Variants in FRMD6 observed in about 807,000 individuals in gnomAD.
FRMD6 encodes the protein FERM domain-containing protein 6.
In FRMD6, 37 loss-of-function variants were observed where a neutral mutation model predicts 73.2. The ratio of observed to expected loss-of-function variants is 0.51; its 90% CI spans 0.39 to 0.66. FRMD6 has a LOEUF of 0.66. FRMD6 is among the 30% of genes least tolerant of loss of function. The pLI is 0.00. For missense variants in FRMD6, 714 were observed against 780.5 expected, an observed-to-expected ratio of 0.91 and a Z score of 1.02; for synonymous variants, 273 against 282.2, an observed-to-expected ratio of 0.97 and a Z score of 0.33.
At chr14:51,518,150 A>T (rs1377762633) in intron 1 of FRMD6, among the ~76,000 whole-genome samples, 2 of 152,338 alleles carry the variant, frequency 1.3e-5, no homozygotes, top group Middle Eastern at 3.4e-3. Context: ...TCCCCGTGGA[A>T]TTGGTGAAGC....
intron 12 of FRMD6, among the ~76,000 whole-genome samples, chr14:51,723,041 C>T (rs1251970231): frequency 6.6e-6 from 1 of 152,240 alleles, no homozygotes; most frequent in East Asian, 1.9e-4. Context: ...CAACAGAACC[C>T]TGGCTTCCCA....
At chr14:51,493,052 A>C (rs999265329) in intron 1 of FRMD6, among the ~76,000 whole-genome samples, 2 of 152,196 alleles carry the variant, frequency 1.3e-5, no homozygotes, top group Non-Finnish European at 2.9e-5. Flanking sequence ...ACTGAGACTC[A>C]GAAGATGCTG....
chr14:51,631,888 C>A (rs1409107060), intron 2 of FRMD6, among the ~76,000 whole-genome samples: 1 of 152,120 alleles, frequency 6.6e-6, no homozygotes, highest in Non-Finnish European at 1.5e-5. Flanking sequence ...TGATTGGTGT[C>A]CCTAAGAAAA....
At chr14:51,605,078 C>T (rs561297943) in intron 2 of FRMD6, among the ~76,000 whole-genome samples, 3 of 152,010 alleles carry the variant, frequency 2.0e-5, no homozygotes, top group Non-Finnish European at 2.9e-5. Flanking sequence ...CCTGCCTGGC[C>T]ACCCATCTAA....
intron 8 of FRMD6, 125 bp from the exon 9 acceptor site, chr14:51,712,358 A>G (rs990390775): frequency 3.1e-6 from 2 of 652,264 alleles, no homozygotes; most frequent in Non-Finnish European, 5.5e-6. Context: ...TATTTCTCCA[A>G]AGAGATGTGG....
the FRMD6 span, among the ~76,000 whole-genome samples, chr14:51,400,083 T>C: frequency 1.3e-5 from 2 of 152,172 alleles, no homozygotes; most frequent in South Asian, 4.1e-4. Flanking sequence ...ATAAACACAG[T>C]CATCATCTCA....
intron 1 of FRMD6, among the ~76,000 whole-genome samples, chr14:51,534,396 T>C (rs1323471658): frequency 2.0e-5 from 3 of 152,202 alleles, no homozygotes; most frequent in Non-Finnish European, 4.4e-5. Context: ...AGTTGTTTCT[T>C]ATGATGGTTG....
At chr14:51,534,990 G>A (rs1290616973) in intron 1 of FRMD6, among the ~76,000 whole-genome samples, 2 of 152,192 alleles carry the variant, frequency 1.3e-5, no homozygotes, top group African/African-American at 4.8e-5. Flanking sequence ...TTCAGGGAAA[G>A]GGAAGAGCAG....
At chr14:51,699,698 G>A (rs1338991813) in intron 3 of FRMD6, among the ~76,000 whole-genome samples, 1 of 151,954 alleles carries the variant, frequency 6.6e-6, no homozygotes, top group South Asian at 2.1e-4. Flanking sequence ...AAGGTATAAA[G>A]CTCTGGTCAG....
chr14:51,586,795 G>A (rs1261114512), intron 2 of FRMD6, among the ~76,000 whole-genome samples: 1 of 152,094 alleles, frequency 6.6e-6, no homozygotes, highest in Non-Finnish European at 1.5e-5. Context: ...CCAGGCTGGA[G>A]TGCAGTGGCA....
the FRMD6 span, among the ~76,000 whole-genome samples, chr14:51,407,052 T>C: frequency 6.6e-6 from 1 of 152,146 alleles, no homozygotes; most frequent in African/African-American, 2.4e-5. Context: ...TTATATTAAC[T>C]GCAATTAATG....
intron 1 of FRMD6, chr14:51,546,599 A>C (rs1886486529): frequency 2.0e-5 from 3 of 151,520 alleles, no homozygotes; most frequent in East Asian, 3.9e-4. Flanking sequence ...AAAAAAAAAA[A>C]AAAAAAACCT....
chr14:51,651,754 C>G (rs1429489523), upstream of FRMD6: 1 of 146,266 alleles, frequency 6.8e-6, no homozygotes, highest in Non-Finnish European at 1.5e-5. Context: ...CAGCGCGCAG[C>G]TCCCGCGGCT....
At chr14:51,470,109 A>G in the FRMD6 span, among the ~76,000 whole-genome samples, 1 of 152,208 alleles carries the variant, frequency 6.6e-6, no homozygotes, top group African/African-American at 2.4e-5. Context: ...TAAAATGCTC[A>G]TAGAATCTAT....
chr14:51,429,936 C>G, the FRMD6 span, among the ~76,000 whole-genome samples: 1,321 of 152,238 alleles, frequency 8.7e-3, 7 homozygotes, highest in Non-Finnish European at 0.013. Context: ...TTATACCCAC[C>G]ACCTTGGGGC....
At chr14:51,622,658 A>T (rs1346839649) in intron 2 of FRMD6, among the ~76,000 whole-genome samples, 3 of 152,228 alleles carry the variant, frequency 2.0e-5, no homozygotes, top group African/African-American at 7.2e-5. Context: ...TGCTGAAGTC[A>T]GATTCCAGAG....
At chr14:51,418,025 C>A in the FRMD6 span, among the ~76,000 whole-genome samples, 5 of 152,274 alleles carry the variant, frequency 3.3e-5, no homozygotes, top group African/African-American at 1.2e-4. Flanking sequence ...GTCTTCTCTA[C>A]ACTGTTTATT....
chr14:51,685,429 T>C (rs534245393), intron 1 of FRMD6, among the ~76,000 whole-genome samples: 3 of 152,354 alleles, frequency 2.0e-5, no homozygotes, highest in Admixed American at 1.3e-4. Context: ...GCTTATTGTC[T>C]GTTTCTATTA....
chr14:51,514,613 C>T (rs568973965), intron 1 of FRMD6, among the ~76,000 whole-genome samples: 2 of 152,264 alleles, frequency 1.3e-5, no homozygotes, highest in African/African-American at 4.8e-5. Context: ...TTTAGGAGGC[C>T]AAGGCAGGCA....
Sources: allele counts gnomAD v4.1 joint callset (sites outside exome capture counted in the v4.1 genomes callset), GRCh38; gene constraint gnomAD v4.1.1; transcripts MANE v1.5; gene names NCBI Gene and HGNC (gene_info 2026-07-23, HGNC 2026-07-21).